Variants in TEX10 observed in about 807,000 individuals in gnomAD.
The protein encoded by TEX10 is testis expressed 10.
A neutral mutation model predicts 104.4 loss-of-function variants in TEX10; 24 were observed. That is an observed-to-expected ratio of 0.23 (90% CI 0.17 to 0.32). The LOEUF is 0.32. Ranked by LOEUF, TEX10 falls within the 10% of genes least tolerant of loss-of-function variation. TEX10 has a pLI of 1.00. For synonymous variants in TEX10, 396 were observed against 393.4 expected, an observed-to-expected ratio of 1.01 and a Z score of -0.08; for missense variants, 921 against 1,083.9, an observed-to-expected ratio of 0.85 and a Z score of 2.11.
At position 100,340,281 on chromosome 9, in the gene TEX10, T is replaced by C; in HGVS notation, c.1226A>G (p.His409Arg). ...CCTTTTATTTGGCTCTTTCCTTTTG[T>C]GCTTGGTTATTTCTTTTAAGACATA... ...FPYVLKEITK[H>R]KRKEPNKSIK... Residue 409 changes from histidine to arginine, a missense_variant, in exon 5 of 15, where the codon CAC becomes CGC. Coordinates refer to ENST00000374902, the MANE Select transcript of TEX10 (RefSeq NM_017746.4). 1 of 1,573,106 alleles carries C rather than the reference T, an allele frequency of 6.4e-7. No individual in the cohort carries two copies. Among genetic ancestry groups the C allele is most frequent in the Non-Finnish European group, 8.6e-7 (1 of 1,166,072 alleles).
chr9:100,315,100 A>G (rs913118888), intron 11 of TEX10, among the ~76,000 whole-genome samples: 1 of 151,988 alleles, frequency 6.6e-6, no homozygotes, highest in African/African-American at 2.4e-5. Context: ...ATTTTATTCC[A>G]CTGTGGTCTG....
chr9:100,326,240 AATT>A (rs1299631902), intron 9 of TEX10, 59 bp downstream of exon 9: 42 of 1,549,744 alleles, frequency 2.7e-5, no homozygotes, highest in Non-Finnish European at 3.0e-5. Flanking sequence ...GTAATTCACA[AATT>A]ACCAGTAAAA....
At chr9:100,313,809 C>T (rs1418263535) in intron 11 of TEX10, among the ~76,000 whole-genome samples, 1 of 150,070 alleles carries the variant, frequency 6.7e-6, no homozygotes, top group Non-Finnish European at 1.5e-5. Context: ...TGTGCCACTG[C>T]ACTCCGGCTT....
intron 11 of TEX10, among the ~76,000 whole-genome samples, chr9:100,312,188 A>T (rs191526922): frequency 6.6e-6 from 1 of 152,358 alleles, no homozygotes; most frequent in African/African-American, 2.4e-5. Flanking sequence ...TTCAATAATG[A>T]CCACTTCATC....
At chr9:100,339,275 G>GTATATATATATATA (rs1281859664) in intron 5 of TEX10, among the ~76,000 whole-genome samples, 1 of 72,800 alleles carries the variant, frequency 1.4e-5, no homozygotes, top group African/African-American at 5.1e-5. Flanking sequence ...AAAAAAAAAA[G>GTATATATATATATA]TATATATATA....
At chr9:100,313,034 CCAACAA>C (rs909708971) in intron 11 of TEX10, among the ~76,000 whole-genome samples, 1 of 151,996 alleles carries the variant, frequency 6.6e-6, no homozygotes, top group Non-Finnish European at 1.5e-5. Flanking sequence ...CATTGGTATA[CCAACAA>C]CAACAACAAA....
At chr9:100,330,705 A>G (rs1232593667) in intron 5 of TEX10, among the ~76,000 whole-genome samples, 1 of 152,252 alleles carries the variant, frequency 6.6e-6, no homozygotes, top group East Asian at 1.9e-4. Flanking sequence ...AACAAAACAC[A>G]ATTTCAAAAA....
chr9:100,315,051 T>C (rs546729117), intron 11 of TEX10, among the ~76,000 whole-genome samples: 3 of 152,226 alleles, frequency 2.0e-5, no homozygotes, highest in East Asian at 3.8e-4. Flanking sequence ...AACGATGTAT[T>C]TGCATCATTT....
At chr9:100,332,053 G>A (rs1190031774) in intron 5 of TEX10, among the ~76,000 whole-genome samples, 1 of 152,206 alleles carries the variant, frequency 6.6e-6, no homozygotes, top group Admixed American at 6.5e-5. Flanking sequence ...GATATGTTGA[G>A]CCTAAAGTAT....
intron 2 of TEX10, 49 bp from the exon 3 acceptor site, chr9:100,347,455 A>G: frequency 7.1e-7 from 1 of 1,417,758 alleles, no homozygotes; most frequent in Non-Finnish European, 9.5e-7. Flanking sequence ...TACATGTATC[A>G]ATTTCACGTA....
rs760552561 is a variant in TEX10 at position 100,329,957 on chromosome 9, C to T, written c.1463G>A (p.Arg488Lys). The change falls in exon 6 of 15, where the codon AGG becomes AAG. Residue 488 changes from arginine to lysine, a missense_variant. Arg to Lys is a conservative substitution (Grantham distance 26). Transcript: ENST00000374902. ...QLNRLLGVSW[R>K]LMQIQPNRED... ...TCTGTTTGGCTGTATTTGCATTAAC[C>T]TCCAGGATACTCCCAGCAATCTGTT... 16 of 1,613,266 alleles carry T rather than the reference C, an allele frequency of 9.9e-6. No individual in the cohort carries two copies. The highest frequency in any genetic ancestry group is 1.2e-5 in the Non-Finnish European group (14 of 1,179,554).
chr9:100,315,533 T>A (rs1834394456), intron 11 of TEX10, among the ~76,000 whole-genome samples: 1 of 152,198 alleles, frequency 6.6e-6, no homozygotes, highest in Non-Finnish European at 1.5e-5. Flanking sequence ...AATGATTTTC[T>A]CTGTATTTTT....
chr9:100,341,512 C>CG (rs57855917), intron 4 of TEX10, among the ~76,000 whole-genome samples: 68,960 of 151,950 alleles, frequency 0.45, 17,342 homozygotes, highest in East Asian at 0.89. Flanking sequence ...GTAACACTGG[C>CG]ATCATCCTTG....
rs191610033 is a variant in TEX10, at chr9:100,313,430, G to A, written c.2203-3051C>T. On this transcript the variant is annotated intron_variant, in intron 11 of 14. Coordinates refer to ENST00000374902, the MANE Select transcript of TEX10 (RefSeq NM_017746.4). ...CTCGGGAGGCTAAGGCAGGAGAATC[G>A]CTTGAACCCGGGAGGCAGAGGTTGC... Among the ~76,000 whole-genome samples, 376 of 151,626 alleles carry A rather than the reference G, an allele frequency of 2.5e-3. 2 individuals carry two copies. Among genetic ancestry groups the A allele is most frequent in the African/African-American group, 8.6e-3 (353 of 41,284 alleles).
At chr9:100,352,727 C>A in intron 1 of TEX10, 45 bp downstream of exon 1, 1 of 1,212,910 alleles carries the variant, frequency 8.2e-7, no homozygotes, top group Non-Finnish European at 1.0e-6. Flanking sequence ...CACGCTCAGT[C>A]CCGCGCCCCG....
chr9:100,331,322 A>T (rs1834856999), intron 5 of TEX10, among the ~76,000 whole-genome samples: 1 of 152,216 alleles, frequency 6.6e-6, no homozygotes, highest in Non-Finnish European at 1.5e-5. Context: ...CTGTAGTCCT[A>T]GCTACTCAGG....
intron 14 of TEX10, among the ~76,000 whole-genome samples, chr9:100,303,137 A>G (rs1265085964): frequency 6.6e-6 from 1 of 152,222 alleles, no homozygotes; most frequent in African/African-American, 2.4e-5. Flanking sequence ...ACATTTATGG[A>G]GCACTTAACA....
chr9:100,302,108 A>G lies in TEX10; in HGVS notation c.*83T>C. The G allele has an allele frequency of 1.2e-6, 1 of 804,418 alleles. No individual in the cohort carries two copies. Among genetic ancestry groups the G allele is most frequent in the South Asian group, 2.9e-5 (1 of 34,132 alleles). 49.8% of individuals were successfully genotyped at this position (804,418 alleles called of 1,614,324 possible). A position where few individuals can be genotyped will look rare whatever the true frequency, so the allele number is the denominator to read the frequency against. On this transcript the variant is annotated 3_prime_UTR_variant, in exon 15 of 15. Transcript: ENST00000374902. ...CTTCTTTAAAAGTTCAGCTTTAATG[A>G]CAAAGATCTATTACATCAGTCTTTT... is the stretch of plus-strand genomic sequence containing the variant.
At chr9:100,344,837 A>C (rs1225840479) in intron 4 of TEX10, among the ~76,000 whole-genome samples, 1 of 152,178 alleles carries the variant, frequency 6.6e-6, no homozygotes, top group East Asian at 1.9e-4. Context: ...CAAGAGCGAA[A>C]CTATGTCTCA....
Sources: allele counts gnomAD v4.1 joint callset (sites outside exome capture counted in the v4.1 genomes callset), GRCh38; gene constraint gnomAD v4.1.1; transcripts MANE v1.5; gene names NCBI Gene and HGNC (gene_info 2026-07-23, HGNC 2026-07-21).